TAB2: variants seen among roughly 807,000 people sequenced by gnomAD.
TAB2 encodes TGF-beta-activated kinase 1 and MAP3K7-binding protein 2.
In TAB2, 3 loss-of-function variants were observed where a neutral mutation model predicts 65.0. The observed-to-expected ratio is 0.05, with a 90% CI of 0.02 to 0.12. The LOEUF (loss-of-function observed/expected upper bound fraction) is 0.12. Ranked by LOEUF, TAB2 falls within the 10% of genes least tolerant of loss-of-function variation. TAB2 has a pLI of 1.00. For missense variants in TAB2, 623 were observed against 840.3 expected (o/e 0.74, Z 3.20); for synonymous variants, 298 against 285.1 (o/e 1.05, Z -0.46).
intron 1 of TAB2, among the ~76,000 whole-genome samples, chr6:149,347,854 T>C (rs1780354323): frequency 6.6e-6 from 1 of 152,186 alleles, no homozygotes; most frequent in Non-Finnish European, 1.5e-5. Context: ...ATGTCAATAA[T>C]GTAAAAGGTA....
intron 1 of TAB2, among the ~76,000 whole-genome samples, chr6:149,289,222 A>G (rs1778731053): frequency 6.6e-6 from 1 of 152,028 alleles, no homozygotes; most frequent in Admixed American, 6.6e-5. Flanking sequence ...GCCTCCATCT[A>G]GCTCAAAATA....
chr6:149,389,205 C>T (rs542981469), intron 3 of TAB2, among the ~76,000 whole-genome samples: 3 of 152,122 alleles, frequency 2.0e-5, no homozygotes, highest in South Asian at 2.1e-4. Flanking sequence ...CCACCCGCAT[C>T]GGCCTCCCAA....
chr6:149,392,502 TG>T (rs1782024006), intron 3 of TAB2, among the ~76,000 whole-genome samples: 1 of 152,226 alleles, frequency 6.6e-6, no homozygotes, highest in East Asian at 1.9e-4. Context: ...CTTAAGCCTC[TG>T]TGTTCTGGCC....
intron 6 of TAB2, among the ~76,000 whole-genome samples, chr6:149,405,977 G>A (rs1210483836): frequency 6.6e-6 from 1 of 152,170 alleles, no homozygotes; most frequent in Non-Finnish European, 1.5e-5. Flanking sequence ...GTTTTTCACA[G>A]TATATACATA....
At chr6:149,349,174 G>T (rs1780404457) in intron 1 of TAB2, among the ~76,000 whole-genome samples, 1 of 151,954 alleles carries the variant, frequency 6.6e-6, no homozygotes, top group Non-Finnish European at 1.5e-5. Context: ...TAACCCCAGT[G>T]CTTTGGGAGA....
chr6:149,370,160 A>G, intron 2 of TAB2, 61 bp downstream of exon 2: 1 of 1,378,146 alleles, frequency 7.3e-7, no homozygotes, highest in Non-Finnish European at 1.0e-6. Flanking sequence ...TAAACATTGG[A>G]AGAAAAACTC....
chr6:149,252,479 G>A (rs1192879254), intron 1 of TAB2, among the ~76,000 whole-genome samples: 3 of 151,862 alleles, frequency 2.0e-5, no homozygotes, highest in Admixed American at 2.0e-4. Flanking sequence ...GAAAGGGGAC[G>A]TTGTGGTTGG....
chr6:149,256,562 G>A (rs774579875), intron 1 of TAB2, among the ~76,000 whole-genome samples: 13 of 152,146 alleles, frequency 8.5e-5, no homozygotes, highest in South Asian at 2.1e-4. Flanking sequence ...GGGAAAACTC[G>A]AATATATTAT....
intron 6 of TAB2, among the ~76,000 whole-genome samples, chr6:149,403,446 A>G (rs1782553699): frequency 6.6e-6 from 1 of 151,230 alleles, no homozygotes; most frequent in African/African-American, 2.4e-5. Flanking sequence ...TAATCAATGG[A>G]GAAAACCGAA....
chr6:149,329,219 A>G (rs1779711019), intron 1 of TAB2, among the ~76,000 whole-genome samples: 1 of 152,220 alleles, frequency 6.6e-6, no homozygotes, highest in Non-Finnish European at 1.5e-5. Flanking sequence ...ATACCTTAGA[A>G]AAGAGCCAGA....
chr6:149,336,948 A>C (rs562564796), intron 1 of TAB2, among the ~76,000 whole-genome samples: 1 of 152,048 alleles, frequency 6.6e-6, no homozygotes, highest in Admixed American at 6.6e-5. Flanking sequence ...ACATCTTTAT[A>C]TTTTTATGAA....
At chr6:149,234,982 A>G (rs757545293) in intron 1 of TAB2, among the ~76,000 whole-genome samples, 9 of 152,252 alleles carry the variant, frequency 5.9e-5, no homozygotes, top group Admixed American at 2.0e-4. Context: ...TAGATTTTCA[A>G]AAACAATTGC....
intron 1 of TAB2, among the ~76,000 whole-genome samples, chr6:149,286,620 A>T (rs1778680384): frequency 6.6e-6 from 1 of 152,222 alleles, no homozygotes; most frequent in South Asian, 2.1e-4. Context: ...ATCTGACAGA[A>T]GGTTTAAGCA....
Position 149,379,271 on chromosome 6 carries a change from A to G in TAB2, c.1356A>G (p.Arg452=). Residue 452 remains arginine, a synonymous_variant, in exon 3 of 7, where the codon CGA becomes CGG. Coordinates refer to ENST00000637181, the MANE Select transcript of TAB2 (RefSeq NM_001292034.3). The stretch of plus-strand genomic sequence containing the variant: ...GCAATAACTCTGCAACCTCTCCTCG[A>G]GTGGTAGTCACTCAGCCCAATACGA... ...AIGNNSATSP[R]VVVTQPNTKY... is the part of the protein sequence containing the mutation. The G allele has an allele frequency of 6.2e-7, 1 of 1,614,168 alleles. No individual in the cohort carries two copies. Among genetic ancestry groups the G allele is most frequent in the Non-Finnish European group, 8.5e-7 (1 of 1,180,032 alleles).
At chr6:149,294,749 A>G (rs761327432) in intron 1 of TAB2, among the ~76,000 whole-genome samples, 2 of 152,230 alleles carry the variant, frequency 1.3e-5, no homozygotes, top group Non-Finnish European at 2.9e-5. Context: ...TGCCATAAAA[A>G]GATACCTACA....
At chr6:149,285,369 T>G (rs1311663258) in intron 1 of TAB2, among the ~76,000 whole-genome samples, 1 of 152,188 alleles carries the variant, frequency 6.6e-6, no homozygotes, top group Non-Finnish European at 1.5e-5. Context: ...GGCTGGAGTC[T>G]TGTACATTCA....
At chr6:149,351,865 T>G (rs952269366) in intron 1 of TAB2, among the ~76,000 whole-genome samples, 2 of 152,194 alleles carry the variant, frequency 1.3e-5, no homozygotes, top group Non-Finnish European at 2.9e-5. Flanking sequence ...GGTTGAAATA[T>G]TTAGCAACAT....
At chr6:149,375,391 G>A (rs1170537211) in intron 2 of TAB2, among the ~76,000 whole-genome samples, 1 of 152,096 alleles carries the variant, frequency 6.6e-6, no homozygotes, top group Non-Finnish European at 1.5e-5. Context: ...TGTCTGTAGA[G>A]TGTAAATAAT....
chr6:149,380,137 G>A (rs575775103), intron 3 of TAB2: 5 of 279,634 alleles, frequency 1.8e-5, no homozygotes, highest in South Asian at 1.6e-4. Flanking sequence ...TTACTCAGTA[G>A]ACTGAGGTAG....
Sources: allele counts gnomAD v4.1 joint callset (sites outside exome capture counted in the v4.1 genomes callset), GRCh38; gene constraint gnomAD v4.1.1; transcripts MANE v1.5; gene names NCBI Gene and HGNC (gene_info 2026-07-23, HGNC 2026-07-21).